The following SPATA7 variants were observed in gnomAD, a reference collection of about 807,000 sequenced individuals.
SPATA7 encodes spermatogenesis associated 7, also known as spermatogenesis-associated protein 7.
Under a neutral mutation model 51.8 loss-of-function variants are expected in SPATA7, and 43 were observed. That is an observed-to-expected ratio of 0.83 (90% CI 0.65 to 1.07). The LOEUF is 1.07. Among genes scored for constraint, SPATA7 ranks in the 50% least tolerant of loss-of-function variants. The pLI is 0.00. For synonymous variants in SPATA7, 230 were observed against 252.8 expected (o/e 0.91, Z 0.86); for missense variants, 683 against 701.3 (o/e 0.97, Z 0.30).
At chr14:88,393,258 C>T in intron 2 of SPATA7, 135 bp from the exon 3 acceptor site, 1 of 663,024 alleles carries the variant, frequency 1.5e-6, no homozygotes, top group Non-Finnish European at 2.6e-6. Context: ...AGCTTCACAT[C>T]ACAATGTCAT....
In SPATA7 at chr14:88,468,232, T is replaced by C; in HGVS notation, c.255-1615T>C. The C allele has an allele frequency of 6.2e-7, 1 of 1,610,150 alleles. No individual in the cohort carries two copies. The highest frequency in any genetic ancestry group is 8.5e-7 in the Non-Finnish European group (1 of 1,177,522). On this transcript the variant is annotated intron_variant, in intron 4 of 4. Transcript: ENST00000556406. ...TGCACCAGCATCATTCTCTGTTGCC[T>C]CAGCATGTCCAGCACTCTCGGGATG...
chr14:88,449,135 A>G (rs1595312824), intron 3 of SPATA7, among the ~76,000 whole-genome samples: 1 of 151,864 alleles, frequency 6.6e-6, no homozygotes, highest in African/African-American at 2.4e-5. Context: ...TTGTTTCTCT[A>G]ACTCCTTGAG....
At chr14:88,427,844 C>T in intron 7 of SPATA7, 148 bp downstream of exon 7, 1 of 651,302 alleles carries the variant, frequency 1.5e-6, no homozygotes, top group Non-Finnish European at 2.7e-6. Flanking sequence ...AGAAGGTCTG[C>T]CTATTTACAA....
At chr14:88,446,950 T>C (rs957800354) in intron 3 of SPATA7, among the ~76,000 whole-genome samples, 2 of 152,216 alleles carry the variant, frequency 1.3e-5, no homozygotes, top group African/African-American at 4.8e-5. Flanking sequence ...CTGAAAAAAA[T>C]GTACATTCTG....
intron 4 of SPATA7, among the ~76,000 whole-genome samples, chr14:88,410,425 T>C (rs2139938079): frequency 6.6e-6 from 1 of 152,310 alleles, no homozygotes; most frequent in South Asian, 2.1e-4. Flanking sequence ...CCTGCGTTTT[T>C]TGTTCCCTTG....
chr14:88,434,555 C>T (rs144413990), intron 10 of SPATA7, among the ~76,000 whole-genome samples: 1,562 of 151,700 alleles, frequency 0.01, 14 homozygotes, highest in African/African-American at 0.036. Context: ...CGTGGTGGTG[C>T]GCGCCTGTAG....
intron 4 of SPATA7, among the ~76,000 whole-genome samples, chr14:88,460,396 C>G (rs2140060607): frequency 6.6e-6 from 1 of 152,068 alleles, no homozygotes; most frequent in African/African-American, 2.4e-5. Flanking sequence ...TTCTTGGAGG[C>G]TTTGTTCATT....
chr14:88,419,723 C>T (rs1287907915), intron 5 of SPATA7, among the ~76,000 whole-genome samples: 1 of 151,984 alleles, frequency 6.6e-6, no homozygotes, highest in African/African-American at 2.4e-5. Context: ...GACGGGGTTC[C>T]ACCATGTTAG....
intron 10 of SPATA7, among the ~76,000 whole-genome samples, chr14:88,434,702 A>G (rs2077035950): frequency 1.3e-5 from 2 of 151,434 alleles, no homozygotes; most frequent in Admixed American, 1.3e-4. Context: ...AAAAAAAAAA[A>G]GAAAAAGAAA....
intron 4 of SPATA7, among the ~76,000 whole-genome samples, chr14:88,401,080 T>C (rs532849260): frequency 8.5e-5 from 13 of 152,184 alleles, no homozygotes; most frequent in Non-Finnish European, 1.8e-4. Flanking sequence ...CTGATTGATA[T>C]AAGTGCAGAA....
At position 88,446,213 on chromosome 14, in the gene SPATA7, A is replaced by G. The variant is rs188060664; in HGVS notation, c.177+8310A>G. ...CAACTTTTCCTGGTTTAGTCTTGGG[A>G]GGGTGTATGTGTCCAGGAATTTATC... is the stretch of plus-strand genomic sequence containing the variant. On this transcript the variant is annotated intron_variant, in intron 3 of 3. Coordinates refer to the SPATA7 transcript ENST00000554802. Among the ~76,000 whole-genome samples, 483 of 152,186 alleles carry G rather than the reference A, an allele frequency of 3.2e-3. 2 individuals are homozygous for G. The highest frequency in any genetic ancestry group is 4.4e-3 in the Non-Finnish European group (301 of 68,020).
chr14:88,459,970 A>T (rs140114402), downstream of SPATA7, among the ~76,000 whole-genome samples: 1 of 152,126 alleles, frequency 6.6e-6, no homozygotes, highest in Non-Finnish European at 1.5e-5. Flanking sequence ...TCCTTCACTT[A>T]TGAAGCTTAA....
intron 5 of SPATA7, among the ~76,000 whole-genome samples, chr14:88,424,169 TCTG>T (rs1463993052): frequency 6.6e-6 from 1 of 152,196 alleles, no homozygotes; most frequent in Non-Finnish European, 1.5e-5. Context: ...TTTACAGTGA[TCTG>T]CTGTTCATGT....
chr14:88,398,858 C>T (rs1044744072), intron 4 of SPATA7, among the ~76,000 whole-genome samples: 1 of 151,832 alleles, frequency 6.6e-6, no homozygotes, highest in Non-Finnish European at 1.5e-5. Context: ...CGAGACTATC[C>T]TGGCTAACAC....
At chr14:88,420,828 A>G (rs576820193) in intron 5 of SPATA7, among the ~76,000 whole-genome samples, 2 of 152,324 alleles carry the variant, frequency 1.3e-5, no homozygotes, top group South Asian at 4.1e-4. Context: ...TTAAAAATTA[A>G]TAACAGGCTG....
At chr14:88,451,669 C>T (rs1416839927) in intron 3 of SPATA7, among the ~76,000 whole-genome samples, 4 of 151,676 alleles carry the variant, frequency 2.6e-5, no homozygotes, top group South Asian at 2.1e-4. Context: ...GGATTATAGG[C>T]GCCCACCACC....
intron 3 of SPATA7, among the ~76,000 whole-genome samples, chr14:88,445,394 A>G (rs1017336321): frequency 1.2e-4 from 18 of 152,154 alleles, no homozygotes; most frequent in East Asian, 5.8e-4. Context: ...GGCTGAGACA[A>G]TGGGGTTTTC....
intron 5 of SPATA7, among the ~76,000 whole-genome samples, chr14:88,425,860 G>C (rs929438346): frequency 6.6e-6 from 1 of 152,154 alleles, no homozygotes; most frequent in African/African-American, 2.4e-5. Context: ...AGGACAGTGA[G>C]GATGATGTCA....
chr14:88,441,249 GATGGGCAT>G (rs2077177018), downstream of SPATA7, among the ~76,000 whole-genome samples: 1 of 151,892 alleles, frequency 6.6e-6, no homozygotes, highest in Non-Finnish European at 1.5e-5. Context: ...CTTGTTGATC[GATGGGCAT>G]ATGGGCTGGT....
Sources: allele counts gnomAD v4.1 joint callset (sites outside exome capture counted in the v4.1 genomes callset), GRCh38; gene constraint gnomAD v4.1.1; transcripts MANE v1.5; gene names NCBI Gene and HGNC (gene_info 2026-07-23, HGNC 2026-07-21).